BRAP: variants seen among roughly 807,000 people sequenced by gnomAD.
BRAP encodes the protein BRCA1-associated protein.
BRAP carries 42 observed loss-of-function variants against 73.4 expected under a neutral mutation model. The observed-to-expected ratio is 0.57, with a 90% CI of 0.45 to 0.74. The LOEUF is 0.74. Ranked by LOEUF, BRAP falls within the 30% of genes least tolerant of loss-of-function variation. The probability of loss-of-function intolerance (pLI) is 0.00; values close to 1 mark genes in which losing one functional copy is unlikely to be tolerated. For missense variants in BRAP, 593 were observed against 751.4 expected, an observed-to-expected ratio of 0.79 and a Z score of 2.46; for synonymous variants, 255 against 267.4, an observed-to-expected ratio of 0.95 and a Z score of 0.45.
In BRAP at chr12:111,659,569, G is replaced by A. The variant is rs1056065769; in HGVS notation, c.973-224C>T. ...CTCAGGAGGCTGAGGCAAGAGAATCGCTTGAACCCAGGAGGTGGAGGTTGC... is the reference window on the plus strand; with the variant it reads ...CTCAGGAGGCTGAGGCAAGAGAATCACTTGAACCCAGGAGGTGGAGGTTGC... On this transcript the variant is annotated intron_variant, in intron 7 of 11. Transcript: ENST00000419234. 7.9e-5 allele frequency among the ~76,000 whole-genome samples: 12 copies of A among 152,278 alleles called. 1 individual carries two copies. In the South Asian group the frequency reaches 2.1e-3, roughly 26 times the overall value.
At chr12:111,664,085 C>T (rs529770673) in intron 6 of BRAP, among the ~76,000 whole-genome samples, 2 of 152,228 alleles carry the variant, frequency 1.3e-5, no homozygotes, top group South Asian at 2.1e-4. Flanking sequence ...CAGCACTTTG[C>T]GAGGCCAAGG....
At chr12:111,670,482 G>T in intron 5 of BRAP, 1 of 228,226 alleles carries the variant, frequency 4.4e-6, no homozygotes, top group Non-Finnish European at 8.7e-6. Context: ...AAGACCTTCA[G>T]GTCTACTTAA....
At chr12:111,676,380 AC>A (rs1205480401) in intron 4 of BRAP, among the ~76,000 whole-genome samples, 1 of 151,966 alleles carries the variant, frequency 6.6e-6, no homozygotes, top group Admixed American at 6.6e-5. Context: ...CAGGCAAGTG[AC>A]TTATCTGTGC....
rs771205521 is a variant in BRAP at position 111,665,617 on chromosome 12, G to A, written c.896+22C>T. ...GGGTTGCAATGGGCTTGTACACAGA[G>A]GGGTTCGGCCCCTGCACTCACGTGG... On this transcript the variant is annotated intron_variant, in intron 6 of 11. Coordinates refer to ENST00000419234, the MANE Select transcript of BRAP (RefSeq NM_006768.5). The surrounding 1 kb of genome is among the most constrained non-coding windows in gnomAD (Gnocchi z 4.3). 1.1e-5 allele frequency: 17 copies of A among 1,613,710 alleles called. No homozygotes were observed. Among genetic ancestry groups the A allele is most frequent in the Non-Finnish European group, 1.3e-5 (15 of 1,179,838 alleles).
intron 10 of BRAP, among the ~76,000 whole-genome samples, chr12:111,650,450 G>C (rs56061769): frequency 0.016 from 2,371 of 152,294 alleles, 72 homozygotes; most frequent in African/African-American, 0.054. Flanking sequence ...ATTTTTAGTA[G>C]AGACAGGGTT....
At chr12:111,680,103 C>T (rs993162602) in intron 3 of BRAP, among the ~76,000 whole-genome samples, 2 of 151,160 alleles carry the variant, frequency 1.3e-5, no homozygotes, top group South Asian at 2.1e-4. Context: ...ATTACAGACG[C>T]GTGCCACCAC....
At position 111,642,800 on chromosome 12, in the gene BRAP, C is replaced by T. The variant is rs1181052586; in HGVS notation, c.*1399G>A. On this transcript the variant is annotated 3_prime_UTR_variant, in exon 12 of 12. Transcript: ENST00000419234. ...AGTACATTCATTTTGCAACATTACA[C>T]GTAAAGTTTTTTGGGAAATGCTGCA... The T allele has an allele frequency of 1.3e-5, 2 of 152,086 alleles. No individual in the cohort carries two copies. The highest frequency in any genetic ancestry group is 2.9e-5 in the Non-Finnish European group (2 of 68,028). 9.4% of individuals were successfully genotyped at this position (152,086 alleles called of 1,614,324 possible).
intron 3 of BRAP, among the ~76,000 whole-genome samples, chr12:111,680,591 T>G (rs1423133871): frequency 2.0e-5 from 3 of 150,542 alleles, no homozygotes; most frequent in Admixed American, 6.6e-5. Context: ...TCCCAGCTAC[T>G]CTGAGGCAGG....
intron 11 of BRAP, among the ~76,000 whole-genome samples, chr12:111,647,370 GA>G (rs34704895): frequency 6.6e-6 from 1 of 151,862 alleles, no homozygotes; most frequent in African/African-American, 2.4e-5. Context: ...GTGCTAGTAT[GA>G]AAAAAAATCC....
At chr12:111,652,603 C>T (rs763930556) in intron 10 of BRAP, among the ~76,000 whole-genome samples, 19 of 152,348 alleles carry the variant, frequency 1.2e-4, no homozygotes, top group African/African-American at 4.3e-4. Flanking sequence ...TGGTCCAGTG[C>T]CATGGCTCAC....
intron 11 of BRAP, among the ~76,000 whole-genome samples, chr12:111,647,198 T>C (rs1281002744): frequency 6.6e-6 from 1 of 152,158 alleles, no homozygotes; most frequent in Non-Finnish European, 1.5e-5. Context: ...TTGAGCCCAG[T>C]AGCTGGAGGT....
chr12:111,680,200 C>G (rs111464439), intron 3 of BRAP, among the ~76,000 whole-genome samples: 1 of 151,812 alleles, frequency 6.6e-6, no homozygotes, highest in South Asian at 2.1e-4. Flanking sequence ...CGTGATCCCC[C>G]GCCTCGGCCT....
At position 111,665,511 on chromosome 12, in the gene BRAP, G is replaced by A; in HGVS notation, c.896+128C>T. ...GCCGATTCCCTGAACTTAGGAAAGG[G>A]AAGGAGAAAAAGGACCTCTTGAATA... On this transcript the variant is annotated intron_variant, in intron 6 of 11. Transcript: ENST00000419234. The surrounding 1 kb of genome is among the most constrained non-coding windows in gnomAD (Gnocchi z 4.3). 1.5e-6 allele frequency: 2 copies of A among 1,317,128 alleles called. No homozygotes were observed. The highest frequency in any genetic ancestry group is 1.5e-5 in the South Asian group (1 of 64,552). The allele number at this position is 1,317,128 out of a possible 1,614,324, so 81.6% of individuals were successfully genotyped here.
At chr12:111,685,486 C>T in intron 1 of BRAP, 1 of 1,091,154 alleles carries the variant, frequency 9.2e-7, no homozygotes, top group Non-Finnish European at 1.2e-6. Context: ...AACTAAATGC[C>T]CTCAGACGGC....
intron 10 of BRAP, among the ~76,000 whole-genome samples, chr12:111,651,341 C>T (rs189625862): frequency 1.3e-5 from 2 of 152,090 alleles, no homozygotes; most frequent in African/African-American, 4.8e-5. Context: ...AGTTCAAGAC[C>T]AGCCTGGCCA....
intron 6 of BRAP, among the ~76,000 whole-genome samples, chr12:111,661,668 G>T (rs1886758506): frequency 6.6e-6 from 1 of 151,028 alleles, no homozygotes; most frequent in African/African-American, 2.4e-5. Context: ...TCTTCTCCAG[G>T]TTGCTCCTAA....
At chr12:111,684,923 C>T (rs1887749891) in intron 1 of BRAP, among the ~76,000 whole-genome samples, 1 of 152,206 alleles carries the variant, frequency 6.6e-6, no homozygotes, top group Non-Finnish European at 1.5e-5. Flanking sequence ...CCCGCCTCGG[C>T]CTCCCAAAGT....
intron 5 of BRAP, among the ~76,000 whole-genome samples, chr12:111,667,983 C>CGG (rs1197106080): frequency 6.6e-6 from 1 of 151,972 alleles, no homozygotes; most frequent in Admixed American, 6.6e-5. Context: ...CCAAGGCAGG[C>CGG]GGATCACGAG....
chr12:111,680,496 A>C (rs1229929755), intron 3 of BRAP, among the ~76,000 whole-genome samples: 1 of 150,910 alleles, frequency 6.6e-6, no homozygotes, highest in Non-Finnish European at 1.5e-5. Context: ...TAGGAGTTCG[A>C]GACCAGCCTA....
Sources: gnomAD v4.1 joint callset for allele counts (sites outside exome capture counted in the v4.1 genomes callset) on GRCh38, gnomAD v4.1.1 for gene constraint, Gnocchi (gnomAD v3.1) non-coding constraint, MANE v1.5 for transcripts, NCBI Gene and HGNC (gene_info 2026-07-23, HGNC 2026-07-21) for gene names.